Variants in GLI2 observed in about 807,000 individuals in gnomAD.
GLI2 encodes GLI family zinc finger 2.
In GLI2, 22 loss-of-function variants were observed where a neutral mutation model predicts 78.9. The observed-to-expected ratio is 0.28, with a 90% CI of 0.20 to 0.40. GLI2 has a LOEUF of 0.40. Ranked by LOEUF, GLI2 falls within the 10% of genes least tolerant of loss-of-function variation. GLI2 has a pLI of 1.00. For synonymous variants in GLI2, 974 were observed against 963.7 expected, an observed-to-expected ratio of 1.01 and a Z score of -0.20; for missense variants, 2,097 against 2,213.2, an observed-to-expected ratio of 0.95 and a Z score of 1.05.
At chr2:120,970,647 T>C (rs369035059) in intron 7 of GLI2, 41 bp downstream of exon 7, 2 of 1,483,500 alleles carry the variant, frequency 1.3e-6, no homozygotes, top group South Asian at 1.1e-5. Flanking sequence ...TGGGTACTCA[T>C]CTGGACACAT....
intron 1 of GLI2, among the ~76,000 whole-genome samples, chr2:120,791,122 T>C (rs1684142407): frequency 6.6e-6 from 1 of 152,094 alleles, no homozygotes; most frequent in South Asian, 2.1e-4. Context: ...GCATCTCTCA[T>C]TGTGGGAGAA....
intron 3 of GLI2, among the ~76,000 whole-genome samples, chr2:120,942,693 C>T (rs78990734): frequency 6.6e-6 from 1 of 152,210 alleles, no homozygotes; most frequent in Non-Finnish European, 1.5e-5. Context: ...TGTTCAGAGA[C>T]GGCACATACG....
chr2:120,927,615 A>C (rs151117971), intron 3 of GLI2, 149 bp downstream of exon 3: 5 of 726,178 alleles, frequency 6.9e-6, no homozygotes, highest in African/African-American at 1.7e-5. Context: ...CACCTTTGCT[A>C]TCATGGCCTG....
chr2:120,817,470 G>A (rs530421851), intron 2 of GLI2, among the ~76,000 whole-genome samples: 1 of 152,212 alleles, frequency 6.6e-6, no homozygotes, highest in East Asian at 1.9e-4. Context: ...GACCATCGGG[G>A]GATCTCCTGC....
chr2:120,806,156 G>C (rs907881880), intron 2 of GLI2, among the ~76,000 whole-genome samples: 4 of 152,124 alleles, frequency 2.6e-5, no homozygotes, highest in Non-Finnish European at 4.4e-5. Flanking sequence ...TTACTTGGGA[G>C]GGGGGGAAAG....
At chr2:120,964,988 G>A (rs2104999975) in intron 5 of GLI2, among the ~76,000 whole-genome samples, 1 of 152,376 alleles carries the variant, frequency 6.6e-6, no homozygotes, top group African/African-American at 2.4e-5. Context: ...TGCTTATCTG[G>A]TTTGCTTGGA....
At chr2:120,792,198 T>C (rs1280175492) in intron 1 of GLI2, 2 of 152,224 alleles carry the variant, frequency 1.3e-5, no homozygotes, top group African/African-American at 4.8e-5. Flanking sequence ...CTCATTCTGC[T>C]CTGATTACTA....
chr2:120,843,759 C>T (rs1015847646), intron 2 of GLI2, among the ~76,000 whole-genome samples: 1 of 152,094 alleles, frequency 6.6e-6, no homozygotes, highest in African/African-American at 2.4e-5. Context: ...CTCTGCCTCC[C>T]GGGTTGAAGT....
At chr2:120,876,278 C>T (rs936030926) in intron 2 of GLI2, among the ~76,000 whole-genome samples, 15 of 152,132 alleles carry the variant, frequency 9.9e-5, no homozygotes, top group Non-Finnish European at 2.1e-4. Context: ...GGCCACGGAG[C>T]TTGCAGTGAG....
intron 2 of GLI2, among the ~76,000 whole-genome samples, chr2:120,829,201 A>T (rs192974490): frequency 9.8e-5 from 15 of 152,318 alleles, no homozygotes; most frequent in Middle Eastern, 3.4e-3. Flanking sequence ...ACACATTCGC[A>T]TGCACACGCC....
intron 1 of GLI2, among the ~76,000 whole-genome samples, chr2:120,773,048 C>T (rs747690341): frequency 2.6e-5 from 4 of 152,224 alleles, no homozygotes; most frequent in Non-Finnish European, 4.4e-5. Flanking sequence ...GCCGTGATTA[C>T]TTAACCAGCC....
chr2:120,902,913 T>A (rs1438289992), intron 2 of GLI2, among the ~76,000 whole-genome samples: 1 of 152,132 alleles, frequency 6.6e-6, no homozygotes, highest in Non-Finnish European at 1.5e-5. Context: ...AGCTCTCAAG[T>A]ATGTTTGTAA....
At chr2:120,975,220 C>G in intron 9 of GLI2, 111 bp downstream of exon 9, 1 of 1,011,930 alleles carries the variant, frequency 9.9e-7, no homozygotes, top group East Asian at 2.6e-5. Context: ...GAAGAGACCC[C>G]CAGAGATGCC....
intron 2 of GLI2, among the ~76,000 whole-genome samples, chr2:120,830,010 A>G (rs565297099): frequency 3.3e-5 from 5 of 152,270 alleles, no homozygotes; most frequent in Admixed American, 3.3e-4. Context: ...AAGTTTCCTT[A>G]GAAGAGGTGG....
At chr2:120,832,703 A>G (rs530047031) in intron 2 of GLI2, among the ~76,000 whole-genome samples, 18 of 152,218 alleles carry the variant, frequency 1.2e-4, no homozygotes, top group African/African-American at 4.3e-4. Context: ...CTTTGAGAAG[A>G]GACAAACCTG....
intron 9 of GLI2, among the ~76,000 whole-genome samples, chr2:120,976,101 C>T (rs891256283): frequency 2.0e-5 from 3 of 152,186 alleles, no homozygotes; most frequent in African/African-American, 7.2e-5. Flanking sequence ...AGCACATGCT[C>T]CTTGGTGAGT....
intron 2 of GLI2, among the ~76,000 whole-genome samples, chr2:120,886,408 G>A (rs990270035): frequency 6.6e-6 from 1 of 152,042 alleles, no homozygotes; most frequent in Non-Finnish European, 1.5e-5. Context: ...TGGGACCACA[G>A]GCGCGCACCA....
chr2:120,756,438 G>A (rs1683036634), intron 1 of GLI2, among the ~76,000 whole-genome samples: 1 of 152,076 alleles, frequency 6.6e-6, no homozygotes, highest in South Asian at 2.1e-4. Context: ...TTTTATACAT[G>A]TGTTTATGTC....
chr2:120,813,383 G>A (rs1298092974), intron 2 of GLI2, among the ~76,000 whole-genome samples: 6 of 152,222 alleles, frequency 3.9e-5, no homozygotes, highest in Non-Finnish European at 7.3e-5. Flanking sequence ...TGCAGTCCAC[G>A]TGATGGCTGC....
Sources: allele counts gnomAD v4.1 joint callset (sites outside exome capture counted in the v4.1 genomes callset), GRCh38; gene constraint gnomAD v4.1.1; transcripts MANE v1.5; gene names NCBI Gene and HGNC (gene_info 2026-07-23, HGNC 2026-07-21).